The following TBC1D1 variants were observed in gnomAD, a reference collection of about 807,000 sequenced individuals.
The protein encoded by TBC1D1 is TBC1 (tre-2/USP6, BUB2, cdc16) domain family, member 1.
TBC1D1 carries 89 observed loss-of-function variants against 125.6 expected under a neutral mutation model. That is an observed-to-expected ratio of 0.71 (90% CI 0.60 to 0.85). The LOEUF is 0.85. Among genes scored for constraint, TBC1D1 ranks in the 40% least tolerant of loss-of-function variants. TBC1D1 has a pLI of 0.00. For synonymous variants in TBC1D1, 565 were observed against 564.1 expected, an observed-to-expected ratio of 1.00 and a Z score of -0.02; for missense variants, 1,377 against 1,469.2, an observed-to-expected ratio of 0.94 and a Z score of 1.03.
chr4:37,972,121 T>C (rs564961825), intron 2 of TBC1D1, among the ~76,000 whole-genome samples: 1 of 152,194 alleles, frequency 6.6e-6, no homozygotes, highest in East Asian at 1.9e-4. Context: ...CTTTGAGCAA[T>C]GACTATTCTG....
intron 13 of TBC1D1, among the ~76,000 whole-genome samples, chr4:38,090,876 A>G (rs1758310421): frequency 6.6e-6 from 1 of 152,228 alleles, no homozygotes; most frequent in Admixed American, 6.5e-5. Context: ...CCCCAGAACA[A>G]TTTTGGAATT....
chr4:37,893,060 C>G (rs1191022169), intron 1 of TBC1D1, among the ~76,000 whole-genome samples: 1 of 152,186 alleles, frequency 6.6e-6, no homozygotes, highest in Non-Finnish European at 1.5e-5. Flanking sequence ...AATCAAGCAG[C>G]ATGGCTGTTA....
chr4:38,000,296 G>A (rs77052583), intron 2 of TBC1D1, among the ~76,000 whole-genome samples: 7 of 150,614 alleles, frequency 4.6e-5, no homozygotes, highest in Non-Finnish European at 1.0e-4. Flanking sequence ...TCACTAACCA[G>A]TAACTGAAAA....
chr4:38,001,214 C>T (rs944834250), intron 2 of TBC1D1, among the ~76,000 whole-genome samples: 15 of 135,294 alleles, frequency 1.1e-4, no homozygotes, highest in African/African-American at 2.5e-4. Context: ...AGTAAGACTC[C>T]GTCTCAAAAA....
At chr4:38,046,662 A>T (rs1749548863) in intron 10 of TBC1D1, among the ~76,000 whole-genome samples, 1 of 152,208 alleles carries the variant, frequency 6.6e-6, no homozygotes, top group African/African-American at 2.4e-5. Context: ...TGGGGAAATT[A>T]AATTTCTGAA....
At chr4:38,103,479 C>A (rs1345645921) in intron 15 of TBC1D1, among the ~76,000 whole-genome samples, 1 of 152,136 alleles carries the variant, frequency 6.6e-6, no homozygotes, top group Non-Finnish European at 1.5e-5. Context: ...GAAGGAACAT[C>A]CTGGAAAACG....
chr4:38,110,125 A>G, intron 15 of TBC1D1: 1 of 856,286 alleles, frequency 1.2e-6, no homozygotes, highest in South Asian at 5.3e-5. Context: ...CTCTTGTAGC[A>G]GCTGCCACAT....
intron 19 of TBC1D1, 118 bp from the exon 22 acceptor site, chr4:38,137,016 AC>A: frequency 3.3e-6 from 5 of 1,508,388 alleles, no homozygotes; most frequent in Non-Finnish European, 4.5e-6. Flanking sequence ...TAAACTGTAG[AC>A]TCATCCCTGC....
chr4:38,071,851 A>G (rs970793017), intron 12 of TBC1D1, among the ~76,000 whole-genome samples: 1 of 152,238 alleles, frequency 6.6e-6, no homozygotes, highest in African/African-American at 2.4e-5. Flanking sequence ...TTCTTAATCC[A>G]ATGCTCCGTT....
At chr4:38,094,058 C>T (rs1758902385) in intron 13 of TBC1D1, among the ~76,000 whole-genome samples, 1 of 152,188 alleles carries the variant, frequency 6.6e-6, no homozygotes, top group Admixed American at 6.5e-5. Context: ...TTAAATAATA[C>T]ATGATGGTTT....
chr4:38,084,027 T>C (rs1344260898), intron 12 of TBC1D1, among the ~76,000 whole-genome samples: 2 of 146,930 alleles, frequency 1.4e-5, no homozygotes, highest in Non-Finnish European at 3.0e-5. Context: ...AAGCTCCGCC[T>C]CCCGGGTTCA....
At chr4:38,048,541 CTTTTTTTTT>C (rs545432990) in intron 10 of TBC1D1, among the ~76,000 whole-genome samples, 102 of 131,916 alleles carry the variant, frequency 7.7e-4, no homozygotes, top group Middle Eastern at 3.9e-3. Context: ...AAACACATTT[CTTTTTTTTT>C]TTTTTTCAAA....
intron 12 of TBC1D1, among the ~76,000 whole-genome samples, chr4:38,081,444 C>T (rs1420700581): frequency 6.6e-6 from 1 of 152,130 alleles, no homozygotes; most frequent in African/African-American, 2.4e-5. Context: ...AGACGGTGAC[C>T]CCGGGCCTCC....
At chr4:38,128,492 A>G (rs1467439055) in intron 18 of TBC1D1, among the ~76,000 whole-genome samples, 6 of 152,160 alleles carry the variant, frequency 3.9e-5, no homozygotes, top group Non-Finnish European at 8.8e-5. Context: ...ATGGTGGAGC[A>G]TACTGCCCTG....
chr4:38,056,385 G>A (rs1009086794), intron 12 of TBC1D1, among the ~76,000 whole-genome samples: 2 of 152,198 alleles, frequency 1.3e-5, no homozygotes, highest in East Asian at 1.9e-4. Context: ...TGCTCCTTCC[G>A]TTGACCTGCC....
intron 5 of TBC1D1, chr4:38,020,897 G>A: frequency 2.4e-6 from 1 of 418,592 alleles, no homozygotes; most frequent in Non-Finnish European, 4.4e-6. Flanking sequence ...TTTTATTTCT[G>A]AAGAACTTGT....
At chr4:38,026,690 G>A (rs776008393) in intron 6 of TBC1D1, among the ~76,000 whole-genome samples, 9 of 151,962 alleles carry the variant, frequency 5.9e-5, no homozygotes, top group Non-Finnish European at 8.8e-5. Flanking sequence ...ATTATCAACC[G>A]TCTCATCATG....
intron 15 of TBC1D1, among the ~76,000 whole-genome samples, chr4:38,104,186 G>T (rs1317226422): frequency 7.9e-6 from 1 of 127,286 alleles, no homozygotes; most frequent in African/African-American, 2.7e-5. Context: ...AAAAAAAAGT[G>T]TATGGGAGGA....
chr4:38,124,964 A>AT lies in TBC1D1; in HGVS notation c.2966dup (p.Met989IlefsTer12). The AT allele has an allele frequency of 6.2e-7, 1 of 1,613,212 alleles. No individual in the cohort carries two copies. Among genetic ancestry groups the AT allele is most frequent in the Non-Finnish European group, 8.5e-7 (1 of 1,179,694 alleles). ...TCTGCATTTCTGTGTTTTCTCAGAT[A>AT]TGATTTTTCTTCAGGGAACAGAGGT... On this transcript the variant is annotated frameshift_variant, in exon 18 of 20. Coordinates refer to ENST00000261439, the MANE Select transcript of TBC1D1 (RefSeq NM_015173.4). LOFTEE classifies it high-confidence loss of function.
Sources: gnomAD v4.1 joint callset for allele counts (sites outside exome capture counted in the v4.1 genomes callset) on GRCh38, gnomAD v4.1.1 for gene constraint, MANE v1.5 for transcripts, NCBI Gene and HGNC (gene_info 2026-07-23, HGNC 2026-07-21) for gene names.